Variants in MDGA1 observed in about 807,000 individuals in gnomAD.
MDGA1 encodes MAM domain containing glycosylphosphatidylinositol anchor 1, also known as MAM domain-containing glycosylphosphatidylinositol anchor protein 1.
In MDGA1, 54 loss-of-function variants were observed where a neutral mutation model predicts 101.5. The observed-to-expected ratio is 0.53, with a 90% CI of 0.43 to 0.67. The LOEUF is 0.67. Among genes scored for constraint, MDGA1 ranks in the 30% least tolerant of loss-of-function variants. The probability of loss-of-function intolerance (pLI) is 0.00; values close to 1 mark genes in which losing one functional copy is unlikely to be tolerated. For missense variants in MDGA1, 1,083 were observed against 1,323.8 expected, an observed-to-expected ratio of 0.82 and a Z score of 2.82; for synonymous variants, 533 against 558.3, an observed-to-expected ratio of 0.95 and a Z score of 0.64.
intron 2 of MDGA1, among the ~76,000 whole-genome samples, chr6:37,661,696 G>A (rs1161974123): frequency 6.6e-6 from 1 of 152,182 alleles, no homozygotes; most frequent in African/African-American, 2.4e-5. Flanking sequence ...TGGGAGATCA[G>A]ACAAGAGAGG....
At chr6:37,691,027 A>C (rs1762298120) in intron 1 of MDGA1, among the ~76,000 whole-genome samples, 1 of 151,912 alleles carries the variant, frequency 6.6e-6, no homozygotes, top group Non-Finnish European at 1.5e-5. Flanking sequence ...AAATTCTCAC[A>C]ACCTTTTATC....
chr6:37,685,838 G>A (rs571663105), intron 1 of MDGA1, among the ~76,000 whole-genome samples: 149 of 152,208 alleles, frequency 9.8e-4, no homozygotes, highest in African/African-American at 3.5e-3. Context: ...CATCTTCAGA[G>A]CAGCCAGGAC....
chr6:37,662,236 G>C (rs554810201), intron 2 of MDGA1, among the ~76,000 whole-genome samples: 7 of 151,682 alleles, frequency 4.6e-5, no homozygotes, highest in Admixed American at 6.6e-5. Context: ...CTACTGCAAC[G>C]GTCCAAGCGA....
chr6:37,645,909 T>A (rs373411874), intron 12 of MDGA1, 24 bp downstream of exon 12: 203 of 1,613,818 alleles, frequency 1.3e-4, no homozygotes, highest in Middle Eastern at 1.6e-4. Context: ...GAAGGGGAAG[T>A]CATGGGTGAC....
chr6:37,662,164 A>G (rs1221888908), intron 2 of MDGA1, among the ~76,000 whole-genome samples: 9 of 27,646 alleles, frequency 3.3e-4, no homozygotes, highest in Admixed American at 1.6e-3. Flanking sequence ...CCTGTCTCGA[A>G]AAAAAAAAAA....
rs1374294779 is a variant in MDGA1 at position 37,658,351 on chromosome 6, C to T, written c.276G>A (p.Thr92=). 5.6e-6 allele frequency: 9 copies of T among 1,613,066 alleles called. No individual in the cohort carries two copies. The East Asian group carries it at 8.9e-5, about 16-fold the overall frequency. Residue 92 remains threonine, a synonymous_variant, in exon 3 of 17, where the codon ACG becomes ACA. Coordinates refer to ENST00000434837, the MANE Select transcript of MDGA1 (RefSeq NM_153487.4). ...KFQETSVFNE[T]LRIERIARTQ... ...TGCGTGCAATACGCTCGATGCGCAGCGTCTCGTTGAACACCGATGTCTCCT... is the reference window on the plus strand; with the variant it reads ...TGCGTGCAATACGCTCGATGCGCAGTGTCTCGTTGAACACCGATGTCTCCT...
At chr6:37,657,004 G>C (rs1352348818) in intron 3 of MDGA1, among the ~76,000 whole-genome samples, 1 of 152,064 alleles carries the variant, frequency 6.6e-6, no homozygotes, top group Admixed American at 6.6e-5. Context: ...TCCCAGGGGG[G>C]AATTATTGAC....
chr6:37,669,790 T>C (rs1024869283), intron 1 of MDGA1, among the ~76,000 whole-genome samples: 6 of 152,194 alleles, frequency 3.9e-5, no homozygotes, highest in Admixed American at 3.3e-4. Flanking sequence ...GAACAATAAA[T>C]GCTTCTGGGC....
chr6:37,647,436 G>A lies in MDGA1; in HGVS notation c.1895-112C>T, dbSNP rs1471616965. ...ATGAGGTGGAAAACAGAGAGGGGAC[G>A]GAGAAACAAAGAGAAAGGGAATATT... is the stretch of plus-strand genomic sequence containing the variant. On this transcript the variant is annotated intron_variant, in intron 9 of 16. Coordinates refer to ENST00000434837, the MANE Select transcript of MDGA1 (RefSeq NM_153487.4). The A allele has an allele frequency of 7.4e-5, 49 of 662,372 alleles. No individual in the cohort carries two copies. In the Middle Eastern group the frequency reaches 9.8e-4, roughly 13 times the overall value. The allele number at this position is 662,372 out of a possible 1,614,324, so 41.0% of individuals were successfully genotyped here.
intron 6 of MDGA1, 21 bp downstream of exon 6, chr6:37,654,253 A>T (rs1165839921): frequency 1.3e-6 from 2 of 1,518,656 alleles, no homozygotes. Flanking sequence ...CTTCCCTCCC[A>T]CCCCTTCTGA....
chr6:37,695,365 G>A (rs1282991486), intron 1 of MDGA1, among the ~76,000 whole-genome samples: 2 of 152,180 alleles, frequency 1.3e-5, no homozygotes, highest in Admixed American at 1.3e-4. Flanking sequence ...CCCAAACCCA[G>A]CCTCTCCCAG....
chr6:37,687,304 C>A (rs60167914), intron 1 of MDGA1, among the ~76,000 whole-genome samples: 17,126 of 151,648 alleles, frequency 0.11, 1,033 homozygotes, highest in African/African-American at 0.15. Flanking sequence ...AACTGTAATC[C>A]CAGCACTTTG....
chr6:37,664,434 G>A (rs759717916), intron 1 of MDGA1: 32 of 221,342 alleles, frequency 1.4e-4, no homozygotes, highest in Non-Finnish European at 2.1e-4. Context: ...CAGTCCTGGC[G>A]GTGGATGCCA....
chr6:37,691,829 G>A (rs1762313944), intron 1 of MDGA1, among the ~76,000 whole-genome samples: 1 of 152,180 alleles, frequency 6.6e-6, no homozygotes, highest in Non-Finnish European at 1.5e-5. Flanking sequence ...GCAGAAGAGG[G>A]GCCATGCGCC....
At chr6:37,667,726 T>G (rs1761784310) in intron 1 of MDGA1, among the ~76,000 whole-genome samples, 1 of 152,232 alleles carries the variant, frequency 6.6e-6, no homozygotes, top group Non-Finnish European at 1.5e-5. Context: ...GCTGTAATCT[T>G]GGACACTGTG....
chr6:37,685,195 A>C (rs1307355011), intron 1 of MDGA1, among the ~76,000 whole-genome samples: 1 of 152,054 alleles, frequency 6.6e-6, no homozygotes, highest in East Asian at 1.9e-4. Context: ...CCAGCTACTC[A>C]AAAGCTGAGG....
In MDGA1 at chr6:37,650,124, G is replaced by C; in HGVS notation, c.1594C>G (p.Gln532Glu). Residue 532 changes from glutamine (Q) to glutamate (E), a missense_variant, in exon 8 of 17, where the codon CAG becomes GAG. Physicochemically the swap from Gln to Glu is conservative, Grantham distance 29. This residue lies in a region of MDGA1 where 657 missense variants were observed against 771.4 expected (regional missense o/e 0.85). Coordinates refer to ENST00000434837, the MANE Select transcript of MDGA1 (RefSeq NM_153487.4). ...GTGGACTCACACTGCACGTTCAGCT[G>C]CACCTGGGCCTCACGGGGGCGCACG... ...FNVRPREAQV[Q>E]LNVQFPPEVE... 6.2e-7 allele frequency: 1 copy of C among 1,606,790 alleles called. No individual in the cohort carries two copies. The highest frequency in any genetic ancestry group is 1.1e-5 in the South Asian group (1 of 90,810).
In MDGA1 at chr6:37,687,059, C is replaced by A. The variant is rs149089658; in HGVS notation, c.67+9686G>T. 9.2e-4 allele frequency among the ~76,000 whole-genome samples: 140 copies of A among 152,218 alleles called. 1 individual carries two copies. Among genetic ancestry groups the A allele is most frequent in the Middle Eastern group, 6.8e-3 (2 of 294 alleles). On this transcript the variant is annotated intron_variant, in intron 1 of 16. Coordinates refer to ENST00000434837, the MANE Select transcript of MDGA1 (RefSeq NM_153487.4). ...GCATTGGGCAGTCTTGAGTTCGAAC[C>A]CTGACTCCACCACCGCCTAACTGTA... is the stretch of plus-strand genomic sequence containing the variant.
intron 1 of MDGA1, among the ~76,000 whole-genome samples, chr6:37,677,181 C>T (rs1355383551): frequency 6.6e-6 from 1 of 152,104 alleles, no homozygotes; most frequent in Non-Finnish European, 1.5e-5. Flanking sequence ...CCATAATGCA[C>T]CTATTAAACC....
Sources: gnomAD v4.1 joint callset for allele counts (sites outside exome capture counted in the v4.1 genomes callset) on GRCh38, gnomAD v4.1.1 for gene constraint, gnomAD v4.1.1 regional missense constraint, MANE v1.5 for transcripts, NCBI Gene and HGNC (gene_info 2026-07-23, HGNC 2026-07-21) for gene names.